Variants in HECTD2 observed in about 807,000 individuals in gnomAD.
HECTD2 encodes the protein HECT domain E3 ubiquitin protein ligase 2, also known as probable E3 ubiquitin-protein ligase HECTD2.
Under a neutral mutation model 103.2 loss-of-function variants are expected in HECTD2, and 35 were observed. The observed-to-expected ratio is 0.34, with a 90% CI of 0.26 to 0.45. The LOEUF is 0.45. Ranked by LOEUF, HECTD2 falls within the 20% of genes least tolerant of loss-of-function variation. The pLI is 1.00. For missense variants in HECTD2, 596 were observed against 937.4 expected (o/e 0.64, Z 4.76); for synonymous variants, 281 against 329.9 (o/e 0.85, Z 1.61).
At chr10:91,506,601 A>G (rs1847189713) in intron 20 of HECTD2, among the ~76,000 whole-genome samples, 1 of 152,140 alleles carries the variant, frequency 6.6e-6, no homozygotes, top group African/African-American at 2.4e-5. Flanking sequence ...GAATAGACCA[A>G]TAACAGGATC....
chr10:91,505,583 T>C (rs1326779411), intron 20 of HECTD2, among the ~76,000 whole-genome samples: 1 of 150,756 alleles, frequency 6.6e-6, no homozygotes, highest in Non-Finnish European at 1.5e-5. Context: ...CTATCCTAAA[T>C]ATATATGCAC....
intron 20 of HECTD2, among the ~76,000 whole-genome samples, chr10:91,509,302 C>A (rs193028180): frequency 2.6e-5 from 4 of 151,482 alleles, no homozygotes; most frequent in South Asian, 2.1e-4. Context: ...AAAAAAAAAT[C>A]AAAAAATAGC....
chr10:91,421,528 T>C (rs781279752), intron 1 of HECTD2, among the ~76,000 whole-genome samples: 5 of 152,192 alleles, frequency 3.3e-5, no homozygotes, highest in Non-Finnish European at 7.4e-5. Context: ...AAATTTATAA[T>C]GTTTTAAGAA....
At chr10:91,473,776 AATAC>A (rs1845811353) in intron 5 of HECTD2, among the ~76,000 whole-genome samples, 1 of 152,226 alleles carries the variant, frequency 6.6e-6, no homozygotes, top group African/African-American at 2.4e-5. Context: ...TTCAGTGTAT[AATAC>A]ATAATACATA....
Position 91,443,687 on chromosome 10 carries a change from C to T in HECTD2, c.269-16740C>T, listed in dbSNP as rs1844464524. The stretch of plus-strand genomic sequence containing the variant: ...TCTGCTGAAGCTGCACAAACAGTCG[C>T]CCCTTCCCCCAGGAAGAATTTGTAT... On this transcript the variant is annotated intron_variant, in intron 2 of 20. Transcript: ENST00000298068. 1.3e-5 allele frequency among the ~76,000 whole-genome samples: 2 copies of T among 152,176 alleles called. 1 individual carries two copies. Among genetic ancestry groups the T allele is most frequent in the Non-Finnish European group, 2.9e-5 (2 of 68,020 alleles).
chr10:91,479,694 A>G (rs1846025384), intron 6 of HECTD2, among the ~76,000 whole-genome samples: 2 of 152,198 alleles, frequency 1.3e-5, no homozygotes, highest in Admixed American at 6.5e-5. Context: ...TTTTAGAAAT[A>G]TAATTACTGC....
intron 5 of HECTD2, among the ~76,000 whole-genome samples, chr10:91,465,050 C>G (rs527320791): frequency 1.3e-5 from 2 of 152,162 alleles, no homozygotes; most frequent in African/African-American, 4.8e-5. Context: ...TAAAAAAACA[C>G]ATGCAAAGAC....
At chr10:91,445,294 T>C (rs892466668) in intron 2 of HECTD2, among the ~76,000 whole-genome samples, 3 of 152,106 alleles carry the variant, frequency 2.0e-5, no homozygotes, top group Admixed American at 1.3e-4. Context: ...TCTATGAAGA[T>C]TGGAGGTTCA....
intron 2 of HECTD2, among the ~76,000 whole-genome samples, chr10:91,430,277 C>G (rs1843785795): frequency 6.6e-6 from 1 of 152,050 alleles, no homozygotes; most frequent in Non-Finnish European, 1.5e-5. Context: ...TTTACATTTG[C>G]TGAGGAGAGC....
intron 6 of HECTD2, among the ~76,000 whole-genome samples, chr10:91,480,797 C>A (rs1183344390): frequency 2.6e-5 from 4 of 151,900 alleles, no homozygotes; most frequent in Admixed American, 1.3e-4. Context: ...CATAAGTATT[C>A]TAAAATTGAT....
At chr10:91,512,185 TG>T in intron 20 of HECTD2, 78 bp from the exon 21 acceptor site, 1 of 1,429,814 alleles carries the variant, frequency 7.0e-7, no homozygotes, top group Non-Finnish European at 9.7e-7. Flanking sequence ...GTGTGTGTCC[TG>T]GTATTTTTTA....
intron 14 of HECTD2, among the ~76,000 whole-genome samples, chr10:91,494,339 T>A (rs1167368089): frequency 6.6e-6 from 1 of 152,016 alleles, no homozygotes; most frequent in Non-Finnish European, 1.5e-5. Context: ...AACAATTACA[T>A]TTGATTAATA....
At chr10:91,423,394 A>T (rs1460111711) in intron 1 of HECTD2, among the ~76,000 whole-genome samples, 1 of 152,198 alleles carries the variant, frequency 6.6e-6, no homozygotes, top group African/African-American at 2.4e-5. Context: ...AGTACTCAAC[A>T]AATGACTTGT....
At chr10:91,444,241 C>T (rs993992517) in intron 2 of HECTD2, among the ~76,000 whole-genome samples, 1 of 152,122 alleles carries the variant, frequency 6.6e-6, no homozygotes, top group Non-Finnish European at 1.5e-5. Context: ...ACACACAGAG[C>T]ATATATACAC....
At chr10:91,421,508 A>G (rs757445986) in intron 1 of HECTD2, among the ~76,000 whole-genome samples, 1 of 152,144 alleles carries the variant, frequency 6.6e-6, no homozygotes, top group Non-Finnish European at 1.5e-5. Flanking sequence ...AAAAGAAAAA[A>G]TCACAAAAAA....
intron 2 of HECTD2, among the ~76,000 whole-genome samples, chr10:91,443,956 C>G (rs973585332): frequency 7.2e-5 from 11 of 152,060 alleles, no homozygotes; most frequent in African/African-American, 2.7e-4. Flanking sequence ...TAGGTATCTC[C>G]ACAAATGGCT....
chr10:91,431,214 C>G (rs1182233833), intron 2 of HECTD2, among the ~76,000 whole-genome samples: 1 of 151,864 alleles, frequency 6.6e-6, no homozygotes, highest in Non-Finnish European at 1.5e-5. Flanking sequence ...GGCCACCACT[C>G]TCTTCTGGCT....
At position 91,485,286 on chromosome 10, in the gene HECTD2, CT is replaced by C. The variant is rs1846225981; in HGVS notation, c.1080del (p.Phe360LeufsTer18). ...TGGAAGAATATCATACTTGGCAAAA[CT>C]TTGGAAACTCTCACAGGTATGAACA... Reference protein sequence around the residue: ...LMEEYHTWQNFGNSHRFSFCQ... With the variant: ...LMEEYHTWQNXGNSHRFSFCQ... On this transcript the variant is annotated frameshift_variant, in exon 10 of 21. Transcript: ENST00000298068. LOFTEE classifies it high-confidence loss of function. 1 of 1,592,140 alleles carries C rather than the reference CT, an allele frequency of 6.3e-7. No individual in the cohort carries two copies.
chr10:91,436,312 A>G (rs1314506473), intron 2 of HECTD2, among the ~76,000 whole-genome samples: 3 of 152,084 alleles, frequency 2.0e-5, no homozygotes, highest in Non-Finnish European at 4.4e-5. Context: ...CGATTTGGGT[A>G]GCCTGTTGAT....
Sources: gnomAD v4.1 joint callset for allele counts (sites outside exome capture counted in the v4.1 genomes callset) on GRCh38, gnomAD v4.1.1 for gene constraint, MANE v1.5 for transcripts, NCBI Gene and HGNC (gene_info 2026-07-23, HGNC 2026-07-21) for gene names.